The following DCUN1D5 variants were observed in gnomAD, a reference collection of about 807,000 sequenced individuals.
DCUN1D5 encodes the protein defective in cullin neddylation 1 domain containing 5.
A neutral mutation model predicts 38.3 loss-of-function variants in DCUN1D5; 10 were observed. The ratio of observed to expected loss-of-function variants is 0.26; its 90% CI spans 0.16 to 0.44. The LOEUF (loss-of-function observed/expected upper bound fraction) is 0.44, where lower values mean the gene tolerates loss of function less well. DCUN1D5 is among the 20% of genes least tolerant of loss of function. The pLI is 1.00. For synonymous variants in DCUN1D5, 93 were observed against 90.9 expected (o/e 1.02, Z -0.13); for missense variants, 148 against 275.3 (o/e 0.54, Z 3.27).
chr11:103,051,417 C>G lies in DCUN1D5; in HGVS notation c.*10942G>C, dbSNP rs1861727306. On this transcript the variant is annotated 3_prime_UTR_variant, in exon 8 of 8. Coordinates refer to ENST00000260247, the MANE Select transcript of DCUN1D5 (RefSeq NM_032299.4). Reference sequence around the variant, plus strand: ...CAGCATGAAAAGTTCATGACTTATTCACCTGTGACATAACTTTGGAGTCTC... The same window carrying G: ...CAGCATGAAAAGTTCATGACTTATTGACCTGTGACATAACTTTGGAGTCTC... The G allele has an allele frequency of 1.3e-5, 2 of 151,522 alleles. No individual in the cohort carries two copies. Among genetic ancestry groups the G allele is most frequent in the Non-Finnish European group, 2.9e-5 (2 of 67,988 alleles). 9.4% of individuals were successfully genotyped at this position (151,522 alleles called of 1,614,324 possible).
Position 103,064,442 on chromosome 11 carries a change from A to G in DCUN1D5, c.556-65T>C. 2.4e-6 allele frequency: 3 copies of G among 1,267,710 alleles called. No individual in the cohort carries two copies. Among genetic ancestry groups the G allele is most frequent in the Non-Finnish European group, 3.2e-6 (3 of 926,434 alleles). 78.5% of individuals were successfully genotyped at this position (1,267,710 alleles called of 1,614,324 possible). A position where few individuals can be genotyped will look rare whatever the true frequency, so the allele number is the denominator to read the frequency against. ...ACAAACATCATTTACTCAATTTAGT[A>G]AACTAAGTTTTAACTGTTTTTGTGA... On this transcript the variant is annotated intron_variant, in intron 6 of 7. Coordinates refer to ENST00000260247, the MANE Select transcript of DCUN1D5 (RefSeq NM_032299.4). The surrounding 1 kb of genome is among the most constrained non-coding windows in gnomAD (Gnocchi z 4.5).
intron 4 of DCUN1D5, among the ~76,000 whole-genome samples, chr11:103,068,073 C>T (rs1487748932): frequency 1.3e-5 from 2 of 152,100 alleles, no homozygotes; most frequent in East Asian, 3.8e-4. Flanking sequence ...TGGTCCCATA[C>T]TTTTCTCATA....
rs1862271510 is a variant in DCUN1D5 at position 103,071,510 on chromosome 11, A to G, written c.342-4943T>C. 6.7e-6 allele frequency among the ~76,000 whole-genome samples: 1 copy of G among 149,988 alleles called. No individual in the cohort carries two copies. Among genetic ancestry groups the G allele is most frequent in the Non-Finnish European group, 1.5e-5 (1 of 67,528 alleles). Reference sequence around the variant, plus strand: ...ATCTATATATAATTTTATATACTCTATATCTATATGATCTATAATCTATAT... The same window carrying G: ...ATCTATATATAATTTTATATACTCTGTATCTATATGATCTATAATCTATAT... On this transcript the variant is annotated intron_variant, in intron 4 of 7. Coordinates refer to ENST00000260247, the MANE Select transcript of DCUN1D5 (RefSeq NM_032299.4). The surrounding 1 kb of genome is among the most constrained non-coding windows in gnomAD (Gnocchi z 4.1).
At chr11:103,088,690 A>G (rs1336707845) in intron 2 of DCUN1D5, among the ~76,000 whole-genome samples, 1 of 152,174 alleles carries the variant, frequency 6.6e-6, no homozygotes, top group Non-Finnish European at 1.5e-5. Context: ...CAGTCTATTT[A>G]TTTTCTTACT....
At position 103,050,762 on chromosome 11, in the gene DCUN1D5, G is replaced by A. The variant is rs181528869; in HGVS notation, c.*11597C>T. 1 of 152,084 alleles carries A rather than the reference G, an allele frequency of 6.6e-6. No homozygotes were observed. Among genetic ancestry groups the A allele is most frequent in the African/African-American group, 2.4e-5 (1 of 41,394 alleles). 9.4% of individuals were successfully genotyped at this position (152,084 alleles called of 1,614,324 possible). Reference sequence around the variant, plus strand: ...TTATTGAGTGCTTTTCTATACTGTGGATAGTTCTGAGTACTGGTGAAATAA... The same window carrying A: ...TTATTGAGTGCTTTTCTATACTGTGAATAGTTCTGAGTACTGGTGAAATAA... On this transcript the variant is annotated 3_prime_UTR_variant, in exon 8 of 8. Transcript: ENST00000260247.
rs566600368 is a variant in DCUN1D5, at chr11:103,059,215, G to A, written c.*3144C>T. ...ATTAGCAAGTAGGCAGACAGGACAT[G>A]TTTTGTTGAAGAAATACTTCAAAGT... On this transcript the variant is annotated 3_prime_UTR_variant, in exon 8 of 8. Transcript: ENST00000260247. Among the ~76,000 whole-genome samples, 3 of 152,162 alleles carry A rather than the reference G, an allele frequency of 2.0e-5. No homozygotes were observed. Among genetic ancestry groups the A allele is most frequent in the African/African-American group, 7.2e-5 (3 of 41,548 alleles).
Position 103,055,375 on chromosome 11 carries a change from C to CA in DCUN1D5, c.*6983dup, listed in dbSNP as rs1861849220. 6.6e-6 allele frequency: 1 copy of CA among 152,092 alleles called. No homozygotes were observed. The highest frequency in any genetic ancestry group is 1.5e-5 in the Non-Finnish European group (1 of 68,000). 9.4% of individuals were successfully genotyped at this position (152,092 alleles called of 1,614,324 possible). ...GCCTGCCCTCTAGTGCTAAAACTGT[C>CA]AAATTGAATTGGAATAGCAATTTCC... On this transcript the variant is annotated 3_prime_UTR_variant, in exon 8 of 8. Coordinates refer to ENST00000260247, the MANE Select transcript of DCUN1D5 (RefSeq NM_032299.4).
intron 4 of DCUN1D5, among the ~76,000 whole-genome samples, chr11:103,076,700 CAAT>C (rs1415074387): frequency 4.6e-5 from 7 of 152,116 alleles, no homozygotes; most frequent in Admixed American, 2.0e-4. Flanking sequence ...AAAATGGTAA[CAAT>C]AATAATTTCA....
In DCUN1D5 at chr11:103,071,663, C is replaced by G. The variant is rs929672416; in HGVS notation, c.342-5096G>C. On this transcript the variant is annotated intron_variant, in intron 4 of 7. Coordinates refer to ENST00000260247, the MANE Select transcript of DCUN1D5 (RefSeq NM_032299.4). This position sits in a 1 kb window ranked among gnomAD's most constrained non-coding sequence, Gnocchi z 4.1. ...TACATATGTAACAATTTTTCTACATCAAAACTTGGATGAAATGGACCAATA... is the reference window on the plus strand; with the variant it reads ...TACATATGTAACAATTTTTCTACATGAAAACTTGGATGAAATGGACCAATA... Among the ~76,000 whole-genome samples, 2 of 150,744 alleles carry G rather than the reference C, an allele frequency of 1.3e-5. No homozygotes were observed. Among genetic ancestry groups the G allele is most frequent in the Non-Finnish European group, 3.0e-5 (2 of 67,644 alleles).
chr11:103,080,867 C>T (rs933517543), intron 4 of DCUN1D5, among the ~76,000 whole-genome samples: 5 of 152,174 alleles, frequency 3.3e-5, no homozygotes, highest in African/African-American at 1.2e-4. Context: ...ACAAAATTAG[C>T]CGGGCGTGGA....
At chr11:103,070,774 C>T (rs1862251766) in intron 4 of DCUN1D5, among the ~76,000 whole-genome samples, 1 of 152,164 alleles carries the variant, frequency 6.6e-6, no homozygotes, top group South Asian at 2.1e-4. Flanking sequence ...AATACACATT[C>T]TTTTCAAGTG....
rs190020191 is a variant in DCUN1D5 at position 103,080,731 on chromosome 11, G to A, written c.341+2017C>T. 2.4e-4 allele frequency among the ~76,000 whole-genome samples: 37 copies of A among 152,278 alleles called. 1 individual carries two copies. The highest frequency in any genetic ancestry group is 1.5e-3 in the East Asian group (8 of 5,188). On this transcript the variant is annotated intron_variant, in intron 4 of 7. Coordinates refer to ENST00000260247, the MANE Select transcript of DCUN1D5 (RefSeq NM_032299.4). ...GTGCTAATAAAAACCGTGCTTGGCC[G>A]GGCGCTGTGGCTCACACCTGCAATC...
rs1375676577 is a variant in DCUN1D5, at chr11:103,066,743, A to G, written c.342-176T>C. Reference sequence around the variant, plus strand: ...TAAATTTCTTGCCCTGCATCTACCAATGCAATAAAAAAAGAAAAAAGGGGA... The same window carrying G: ...TAAATTTCTTGCCCTGCATCTACCAGTGCAATAAAAAAAGAAAAAAGGGGA... On this transcript the variant is annotated intron_variant, in intron 4 of 7. Transcript: ENST00000260247. The surrounding 1 kb of genome is among the most constrained non-coding windows in gnomAD (Gnocchi z 4.7). 6.6e-6 allele frequency among the ~76,000 whole-genome samples: 1 copy of G among 152,130 alleles called. No homozygotes were observed. The highest frequency in any genetic ancestry group is 1.5e-5 in the Non-Finnish European group (1 of 67,998).
At position 103,054,471 on chromosome 11, in the gene DCUN1D5, TA is replaced by T. The variant is rs929447861; in HGVS notation, c.*7887del. 101 of 152,140 alleles carry T rather than the reference TA, an allele frequency of 6.6e-4. No homozygotes were observed. Among genetic ancestry groups the T allele is most frequent in the African/African-American group, 2.3e-3 (95 of 41,522 alleles). 9.4% of individuals were successfully genotyped at this position (152,140 alleles called of 1,614,324 possible). A position where few individuals can be genotyped will look rare whatever the true frequency, so the allele number is the denominator to read the frequency against. On this transcript the variant is annotated 3_prime_UTR_variant, in exon 8 of 8. Coordinates refer to ENST00000260247, the MANE Select transcript of DCUN1D5 (RefSeq NM_032299.4). ...GATGGGCACTTGGAGGCACCAAAAA[TA>T]AGTGAGTCAGGATTTCTATTATTGA...
At position 103,091,675 on chromosome 11, in the gene DCUN1D5, G is replaced by C. The variant is rs1211399550; in HGVS notation, c.86+112C>G. 3.1e-6 allele frequency: 5 copies of C among 1,597,404 alleles called. No homozygotes were observed. In the African/African-American group the frequency reaches 6.7e-5, roughly 21 times the overall value. ...CACCTACAGCCTAGCTCGATCAAAG[G>C]GGCCTCACCTGTCTCCAGCCCCAGC... On this transcript the variant is annotated intron_variant, in intron 1 of 7. Transcript: ENST00000260247. This position sits in a 1 kb window ranked among gnomAD's most constrained non-coding sequence, Gnocchi z 4.3.
Position 103,086,834 on chromosome 11 carries a change from C to T in DCUN1D5, c.178+2393G>A, listed in dbSNP as rs1862721667. Among the ~76,000 whole-genome samples the T allele has an allele frequency of 6.6e-6, 1 of 151,636 alleles. No homozygotes were observed. The highest frequency in any genetic ancestry group is 2.4e-5 in the African/African-American group (1 of 41,312). Reference sequence around the variant, plus strand: ...AAAATTAGCTTAAATAAAAAATAAACATAAAATAATATCTATTATAATAAA... The same window carrying T: ...AAAATTAGCTTAAATAAAAAATAAATATAAAATAATATCTATTATAATAAA... On this transcript the variant is annotated intron_variant, in intron 2 of 7. Transcript: ENST00000260247. This position sits in a 1 kb window ranked among gnomAD's most constrained non-coding sequence, Gnocchi z 4.1.
At position 103,053,449 on chromosome 11, in the gene DCUN1D5, GATCT is replaced by G. The variant is rs1215459424; in HGVS notation, c.*8906_*8909del. On this transcript the variant is annotated 3_prime_UTR_variant, in exon 8 of 8. Coordinates refer to ENST00000260247, the MANE Select transcript of DCUN1D5 (RefSeq NM_032299.4). The surrounding 1 kb of genome is among the most constrained non-coding windows in gnomAD (Gnocchi z 4.8). ...TGTTCGATATATCAGTAGGATGACT[GATCT>G]ATTAACACTAAACTATTGTACATTT... 2 of 152,054 alleles carry G rather than the reference GATCT, an allele frequency of 1.3e-5. No individual in the cohort carries two copies. The highest frequency in any genetic ancestry group is 2.9e-5 in the Non-Finnish European group (2 of 67,964). 9.4% of individuals were successfully genotyped at this position (152,054 alleles called of 1,614,324 possible). A position where few individuals can be genotyped will look rare whatever the true frequency, so the allele number is the denominator to read the frequency against.
intron 2 of DCUN1D5, 73 bp downstream of exon 2, chr11:103,089,154 A>G: frequency 6.9e-7 from 1 of 1,453,054 alleles, no homozygotes; most frequent in Non-Finnish European, 9.5e-7. Context: ...GTAACAGATA[A>G]TTTGTTAAAT....
Position 103,056,585 on chromosome 11 carries a change from T to C in DCUN1D5, c.*5774A>G, listed in dbSNP as rs34200506. Reference sequence around the variant, plus strand: ...AACCTTGTCACCAAATGATAAACTATTTTACTAACCAATTAAAATAAAAAT... The same window carrying C: ...AACCTTGTCACCAAATGATAAACTACTTTACTAACCAATTAAAATAAAAAT... On this transcript the variant is annotated 3_prime_UTR_variant, in exon 8 of 8. Coordinates refer to ENST00000260247, the MANE Select transcript of DCUN1D5 (RefSeq NM_032299.4). This position sits in a 1 kb window ranked among gnomAD's most constrained non-coding sequence, Gnocchi z 4.9. 1.8e-4 allele frequency among the ~76,000 whole-genome samples: 28 copies of C among 152,190 alleles called. No homozygotes were observed. The highest frequency in any genetic ancestry group is 6.2e-4 in the South Asian group (3 of 4,830).
Sources: allele counts gnomAD v4.1 joint callset (sites outside exome capture counted in the v4.1 genomes callset), GRCh38; gene constraint gnomAD v4.1.1; non-coding constraint Gnocchi (gnomAD v3.1); transcripts MANE v1.5; gene names NCBI Gene and HGNC (gene_info 2026-07-23, HGNC 2026-07-21).